Variants in DGLUCY observed in about 807,000 individuals in gnomAD.
DGLUCY encodes D-glutamate cyclase, mitochondrial.
In DGLUCY, 58 loss-of-function variants were observed where a neutral mutation model predicts 58.5. The ratio of observed to expected loss-of-function variants is 0.99; its 90% CI spans 0.80 to 1.23. The LOEUF (loss-of-function observed/expected upper bound fraction) is 1.23, where lower values mean the gene tolerates loss of function less well. Among genes scored for constraint, DGLUCY ranks in the 50% most tolerant of loss-of-function variants. The pLI is 0.00. For missense variants in DGLUCY, 779 were observed against 784.7 expected (o/e 0.99, Z 0.09); for synonymous variants, 325 against 314.1 (o/e 1.03, Z -0.37).
At chr14:91,127,773 A>G (rs530677103) in intron 1 of DGLUCY, among the ~76,000 whole-genome samples, 1 of 152,340 alleles carries the variant, frequency 6.6e-6, no homozygotes, top group South Asian at 2.1e-4. Flanking sequence ...GCTCAGCTGA[A>G]TTACTTGCCC....
intron 1 of DGLUCY, among the ~76,000 whole-genome samples, chr14:91,118,078 C>T (rs1175259055): frequency 3.7e-4 from 1 of 2,730 alleles, no homozygotes; most frequent in Non-Finnish European, 6.7e-4. Context: ...TCTCCCCGCC[C>T]CCCCCCCCCC....
intron 1 of DGLUCY, among the ~76,000 whole-genome samples, chr14:91,121,758 G>A (rs1482985224): frequency 3.9e-5 from 6 of 152,020 alleles, no homozygotes; most frequent in Non-Finnish European, 7.4e-5. Context: ...AATGCCTATA[G>A]TGTGCCAGGC....
intron 1 of DGLUCY, among the ~76,000 whole-genome samples, chr14:91,102,743 A>G (rs75229402): frequency 0.16 from 20,438 of 130,668 alleles, 1,669 homozygotes; most frequent in Admixed American, 0.21. Flanking sequence ...TCCAGTGTGT[A>G]TGTGTGTGTG....
At chr14:91,189,669 G>A (rs907157519) in intron 9 of DGLUCY, 5 of 165,820 alleles carry the variant, frequency 3.0e-5, no homozygotes, top group East Asian at 1.7e-4. Context: ...GATCAGCGTC[G>A]GGCTCAATGT....
upstream of DGLUCY, among the ~76,000 whole-genome samples, chr14:91,103,405 C>T (rs906561729): frequency 1.3e-5 from 2 of 152,190 alleles, no homozygotes; most frequent in African/African-American, 4.8e-5. Context: ...TTCCTCCCTC[C>T]TCCTCCGTCT....
intron 11 of DGLUCY, among the ~76,000 whole-genome samples, chr14:91,204,180 C>G (rs2050739451): frequency 2.6e-5 from 4 of 152,360 alleles, no homozygotes; most frequent in Middle Eastern, 6.8e-3. Context: ...TAGCCTCTTT[C>G]AAATGCTTAC....
intron 11 of DGLUCY, among the ~76,000 whole-genome samples, chr14:91,203,305 A>G (rs981381016): frequency 4.6e-5 from 7 of 152,174 alleles, no homozygotes; most frequent in South Asian, 2.1e-4. Context: ...GTCCTTCACA[A>G]TTGTGTCATT....
upstream of DGLUCY, among the ~76,000 whole-genome samples, chr14:91,105,131 A>G (rs528604963): frequency 3.6e-3 from 544 of 152,260 alleles, 1 homozygote; most frequent in Non-Finnish European, 5.6e-3. Flanking sequence ...CCTGGCCAAC[A>G]TGTTGAAACC....
chr14:91,192,423 A>T (rs1214418760), intron 9 of DGLUCY, among the ~76,000 whole-genome samples: 1 of 152,102 alleles, frequency 6.6e-6, no homozygotes, highest in East Asian at 1.9e-4. Context: ...AATGGGGGTG[A>T]TGGTTGCACA....
chr14:91,156,706 A>G (rs2047639486), intron 1 of DGLUCY, among the ~76,000 whole-genome samples: 1 of 152,230 alleles, frequency 6.6e-6, no homozygotes, highest in African/African-American at 2.4e-5. Context: ...AAGAGAAAAG[A>G]GAGAGCTCAG....
At chr14:91,069,091 TC>T in intron 1 of DGLUCY, among the ~76,000 whole-genome samples, 1 of 152,254 alleles carries the variant, frequency 6.6e-6, no homozygotes, top group Admixed American at 6.5e-5. Flanking sequence ...TTTTTTTAGT[TC>T]CCTTTCATTT....
intron 7 of DGLUCY, among the ~76,000 whole-genome samples, chr14:91,178,956 G>A (rs1321792742): frequency 2.6e-5 from 4 of 152,110 alleles, no homozygotes; most frequent in African/African-American, 4.8e-5. Flanking sequence ...CCCCAGAGGC[G>A]GAGGTTGCAG....
intron 9 of DGLUCY, among the ~76,000 whole-genome samples, chr14:91,192,711 C>T (rs2140522686): frequency 6.6e-6 from 1 of 152,234 alleles, no homozygotes; most frequent in East Asian, 1.9e-4. Flanking sequence ...GGCTGAGACA[C>T]AAGAATCGCT....
chr14:91,215,976 A>C, intron 13 of DGLUCY: 1 of 339,094 alleles, frequency 2.9e-6, no homozygotes, highest in Non-Finnish European at 5.8e-6. Context: ...TAAAACCTCC[A>C]GAGTAAGTCA....
chr14:91,118,814 C>G (rs1478648054), intron 1 of DGLUCY, among the ~76,000 whole-genome samples: 1 of 152,086 alleles, frequency 6.6e-6, no homozygotes, highest in Non-Finnish European at 1.5e-5. Context: ...TTTATACTTT[C>G]AAGAAATATT....
At position 91,204,816 on chromosome 14, in the gene DGLUCY, G is replaced by A. The variant is rs77771949; in HGVS notation, c.1555G>A (p.Val519Ile). 9.3e-4 allele frequency: 1,500 copies of A among 1,614,030 alleles called. 11 individuals are homozygous for A. In the African/African-American group the frequency reaches 0.018, roughly 19 times the overall value. The change falls in exon 12 of 14, where the codon GTC (valine) becomes ATC (isoleucine). Residue 519 changes from valine (V) to isoleucine (I), a missense_variant. By Grantham distance (29) the Val-to-Ile change is conservative (BLOSUM62 3). Transcript: ENST00000256324. ...IACDVEADFA[V>I]IAGVSNWGGY... ...CTGCGACGTGGAGGCTGACTTTGCC[G>A]TCATTGCTGGTGAGCACTCGGATGG... is the stretch of plus-strand genomic sequence containing the variant.
intron 1 of DGLUCY, among the ~76,000 whole-genome samples, chr14:91,129,595 A>G (rs1228974918): frequency 6.6e-6 from 1 of 152,018 alleles, no homozygotes; most frequent in East Asian, 1.9e-4. Flanking sequence ...TAAAAAAAAA[A>G]AAAGAATGTA....
chr14:91,081,991 A>T (rs1302748421), intron 1 of DGLUCY, among the ~76,000 whole-genome samples: 1 of 152,118 alleles, frequency 6.6e-6, no homozygotes, highest in Admixed American at 6.6e-5. Flanking sequence ...TCATGATTAC[A>T]TTGGGCCCAC....
At chr14:91,060,530 G>A (rs2043625996) in exon 1 of DGLUCY, 3 of 1,227,214 alleles carry the variant, frequency 2.4e-6, no homozygotes, top group East Asian at 3.3e-5. Flanking sequence ...GGCCCCAGGA[G>A]TCGGGGTGCG....
Sources: gnomAD v4.1 joint callset for allele counts (sites outside exome capture counted in the v4.1 genomes callset) on GRCh38, gnomAD v4.1.1 for gene constraint, MANE v1.5 for transcripts, NCBI Gene and HGNC (gene_info 2026-07-23, HGNC 2026-07-21) for gene names.